Variants in CDKAL1 observed in about 807,000 individuals in gnomAD.
The protein encoded by CDKAL1 is CDKAL1 threonylcarbamoyladenosine tRNA methylthiotransferase, also known as threonylcarbamoyladenosine tRNA methylthiotransferase.
CDKAL1 carries 32 observed loss-of-function variants against 68.2 expected under a neutral mutation model. That is an observed-to-expected ratio of 0.47 (90% CI 0.35 to 0.63). The LOEUF (loss-of-function observed/expected upper bound fraction) is 0.63, where lower values mean the gene tolerates loss of function less well. Ranked by LOEUF, CDKAL1 falls within the 30% of genes least tolerant of loss-of-function variation. The probability of loss-of-function intolerance (pLI) is 0.00; values close to 1 mark genes in which losing one functional copy is unlikely to be tolerated. For missense variants in CDKAL1, 606 were observed against 696.7 expected (o/e 0.87, Z 1.47); for synonymous variants, 234 against 244.3 (o/e 0.96, Z 0.39).
intron 11 of CDKAL1, among the ~76,000 whole-genome samples, chr6:21,003,027 T>C (rs1767513004): frequency 6.6e-6 from 1 of 151,454 alleles, no homozygotes; most frequent in Admixed American, 6.6e-5. Flanking sequence ...TTTAGACAGT[T>C]CATCAGAACC....
chr6:20,587,313 A>G (rs1238280085), intron 4 of CDKAL1, among the ~76,000 whole-genome samples: 2 of 152,174 alleles, frequency 1.3e-5, no homozygotes, highest in African/African-American at 2.4e-5. Flanking sequence ...AGGGGATGAG[A>G]GTTCGAAGCT....
intron 5 of CDKAL1, among the ~76,000 whole-genome samples, chr6:20,683,267 T>G (rs1770466666): frequency 6.6e-6 from 1 of 152,244 alleles, no homozygotes; most frequent in African/African-American, 2.4e-5. Flanking sequence ...TAGTTCATTT[T>G]AAAACCTGGG....
chr6:20,718,964 CCTTAGGGTTCAT>C (rs1772219820), intron 5 of CDKAL1, among the ~76,000 whole-genome samples: 1 of 152,092 alleles, frequency 6.6e-6, no homozygotes, highest in Non-Finnish European at 1.5e-5. Context: ...CTGGAAGAAA[CCTTAGGGTTCAT>C]CTTTTTAAAC....
chr6:21,165,397 G>A (rs1440514965), intron 13 of CDKAL1, among the ~76,000 whole-genome samples: 1 of 152,142 alleles, frequency 6.6e-6, no homozygotes, highest in African/African-American at 2.4e-5. Context: ...ATAGCTAATG[G>A]ATTCTTTTTA....
intron 5 of CDKAL1, among the ~76,000 whole-genome samples, chr6:20,728,449 G>GTAA (rs1328107427): frequency 6.6e-6 from 1 of 152,154 alleles, no homozygotes; most frequent in Admixed American, 6.5e-5. Flanking sequence ...ATATTGAGAA[G>GTAA]TAATAGGTGA....
intron 6 of CDKAL1, among the ~76,000 whole-genome samples, chr6:20,753,467 T>A (rs967829073): frequency 6.6e-6 from 1 of 152,196 alleles, no homozygotes; most frequent in Admixed American, 6.5e-5. Flanking sequence ...CCTGCAGTAT[T>A]CAGTACAGTA....
At chr6:21,120,870 T>A (rs918156125) in intron 13 of CDKAL1, among the ~76,000 whole-genome samples, 4 of 152,230 alleles carry the variant, frequency 2.6e-5, no homozygotes, top group African/African-American at 9.7e-5. Context: ...GATCTTTGAG[T>A]GGCATCTGAT....
Position 21,201,321 on chromosome 6 carries a change from CT to C in CDKAL1, c.1548+48del, listed in dbSNP as rs747877742. 4 of 1,497,090 alleles carry C rather than the reference CT, an allele frequency of 2.7e-6. No individual in the cohort carries two copies. In the South Asian group the frequency reaches 4.9e-5, roughly 18 times the overall value. 92.7% of individuals were successfully genotyped at this position (1,497,090 alleles called of 1,614,324 possible). Reference sequence around the variant, plus strand: ...CTCTACCCTGCTAGTAAAACAGCAGCTGTGGAAGCACAGTGATTCCAGGCCA... The same window carrying C: ...CTCTACCCTGCTAGTAAAACAGCAGCGTGGAAGCACAGTGATTCCAGGCCA... On this transcript the variant is annotated intron_variant, in intron 15 of 15. Coordinates refer to ENST00000274695, the MANE Select transcript of CDKAL1 (RefSeq NM_017774.3).
At position 20,655,022 on chromosome 6, in the gene CDKAL1, T is replaced by C. The variant is rs528193489; in HGVS notation, c.371+5645T>C. Among the ~76,000 whole-genome samples, 18 of 152,354 alleles carry C rather than the reference T, an allele frequency of 1.2e-4. 1 individual carries two copies. In the South Asian group the frequency reaches 3.3e-3, roughly 28 times the overall value. On this transcript the variant is annotated intron_variant, in intron 5 of 15. Coordinates refer to ENST00000274695, the MANE Select transcript of CDKAL1 (RefSeq NM_017774.3). The stretch of plus-strand genomic sequence containing the variant: ...ATTGAATCTTCACAATTTTGAGTTA[T>C]CCAACTCTTCTATCCTGACTTTTTA...
intron 6 of CDKAL1, among the ~76,000 whole-genome samples, chr6:20,748,453 CGAGTTCCAGGCTGTGGT>C (rs1374062842): frequency 4.0e-5 from 6 of 148,350 alleles, no homozygotes; most frequent in Non-Finnish European, 7.4e-5. Flanking sequence ...CAGGCTGTGG[CGAGTTCCAGGCTGTGGT>C]GAGTTCCAGG....
At chr6:20,754,707 T>C (rs1333685785) in intron 6 of CDKAL1, among the ~76,000 whole-genome samples, 2 of 152,240 alleles carry the variant, frequency 1.3e-5, no homozygotes, top group Non-Finnish European at 2.9e-5. Context: ...CCTTACCAGA[T>C]ATGTGATTTA....
intron 9 of CDKAL1, among the ~76,000 whole-genome samples, chr6:20,857,201 G>C (rs1259531144): frequency 6.6e-6 from 1 of 152,156 alleles, no homozygotes; most frequent in Non-Finnish European, 1.5e-5. Context: ...ATATAAGAAA[G>C]AGAAGTTTGA....
At chr6:20,986,843 G>T (rs1766489900) in intron 10 of CDKAL1, among the ~76,000 whole-genome samples, 1 of 152,112 alleles carries the variant, frequency 6.6e-6, no homozygotes, top group Non-Finnish European at 1.5e-5. Flanking sequence ...TATATTATGT[G>T]TGTCAAAATC....
chr6:21,178,794 A>G (rs1271407334), intron 13 of CDKAL1, among the ~76,000 whole-genome samples: 2 of 152,216 alleles, frequency 1.3e-5, no homozygotes, highest in Non-Finnish European at 1.5e-5. Context: ...AACTGGTTAT[A>G]CTTGGTTCTA....
At chr6:20,742,901 A>C (rs940847418) in intron 6 of CDKAL1, among the ~76,000 whole-genome samples, 12 of 152,038 alleles carry the variant, frequency 7.9e-5, no homozygotes, top group Admixed American at 4.6e-4. Context: ...ATATATGAAA[A>C]TTATGTCCAC....
chr6:20,965,325 G>GGGAGA (rs1765251885), intron 10 of CDKAL1, among the ~76,000 whole-genome samples: 1 of 148,678 alleles, frequency 6.7e-6, no homozygotes, highest in Admixed American at 6.7e-5. Context: ...AGAAGAGGAG[G>GGGAGA]GGAGGGGAGG....
intron 13 of CDKAL1, among the ~76,000 whole-genome samples, chr6:21,192,267 C>T (rs1037174390): frequency 1.1e-3 from 161 of 150,656 alleles, no homozygotes; most frequent in African/African-American, 3.5e-3. Context: ...ATGATCCACC[C>T]GCCTCGGCCT....
At chr6:20,677,584 T>C (rs1770178360) in intron 5 of CDKAL1, among the ~76,000 whole-genome samples, 1 of 151,910 alleles carries the variant, frequency 6.6e-6, no homozygotes, top group Admixed American at 6.6e-5. Flanking sequence ...CCAGGGTAAT[T>C]TTTGTATTTT....
At chr6:21,014,502 T>G (rs1315373255) in intron 11 of CDKAL1, among the ~76,000 whole-genome samples, 5 of 151,834 alleles carry the variant, frequency 3.3e-5, no homozygotes, top group African/African-American at 4.8e-5. Context: ...TCCCGGCTAC[T>G]CAGGAGGCTG....
Sources: allele counts gnomAD v4.1 joint callset (sites outside exome capture counted in the v4.1 genomes callset), GRCh38; gene constraint gnomAD v4.1.1; transcripts MANE v1.5; gene names NCBI Gene and HGNC (gene_info 2026-07-23, HGNC 2026-07-21).